Variants in TMCC3 observed in about 807,000 individuals in gnomAD.
The protein encoded by TMCC3 is transmembrane and coiled-coil domain family 3.
In TMCC3, 28 loss-of-function variants were observed where a neutral mutation model predicts 40.2. The ratio of observed to expected loss-of-function variants is 0.70; its 90% CI spans 0.52 to 0.95. The LOEUF (loss-of-function observed/expected upper bound fraction) is 0.95, where lower values mean the gene tolerates loss of function less well. Ranked by LOEUF, TMCC3 falls within the 40% of genes least tolerant of loss-of-function variation. TMCC3 has a pLI of 0.00. For synonymous variants in TMCC3, 255 were observed against 248.5 expected (o/e 1.03, Z -0.25); for missense variants, 554 against 615.2 (o/e 0.90, Z 1.05).
intron 1 of TMCC3, chr12:94,591,229 A>G (rs1484284938): frequency 1.1e-5 from 2 of 189,262 alleles, no homozygotes; most frequent in African/African-American, 2.4e-5. Context: ...GATATTAAGA[A>G]ATAATTCTGG....
intron 1 of TMCC3, among the ~76,000 whole-genome samples, chr12:94,625,348 G>A (rs1206194093): frequency 1.3e-5 from 2 of 151,884 alleles, no homozygotes; most frequent in African/African-American, 4.8e-5. Flanking sequence ...AGCACTTTGG[G>A]AGGCTGAGGT....
In TMCC3 at chr12:94,582,398, T is replaced by C; in HGVS notation, c.219A>G (p.Gln73=). The change falls in exon 2 of 4, where the codon CAA becomes CAG. Residue 73 remains glutamine, a synonymous_variant. Coordinates refer to ENST00000261226, the MANE Select transcript of TMCC3 (RefSeq NM_020698.4). ...TCTGCTCTGTTACCTTTAGAATTTTTTGCTTCAGGCTGTCTGCAGTGAGTT... is the reference window on the plus strand; with the variant it reads ...TCTGCTCTGTTACCTTTAGAATTTTCTGCTTCAGGCTGTCTGCAGTGAGTT... ...KVKLTADSLK[Q]KILKVTEQIK... The C allele has an allele frequency of 6.2e-7, 1 of 1,613,988 alleles. No individual in the cohort carries two copies.
intron 1 of TMCC3, among the ~76,000 whole-genome samples, chr12:94,642,915 G>A (rs979528895): frequency 6.6e-5 from 10 of 152,156 alleles, no homozygotes; most frequent in African/African-American, 1.7e-4. Context: ...CAACCGGGCC[G>A]GGCGCAGTGC....
intron 1 of TMCC3, among the ~76,000 whole-genome samples, chr12:94,626,389 G>C (rs1213720182): frequency 6.6e-6 from 1 of 152,144 alleles, no homozygotes; most frequent in African/African-American, 2.4e-5. Context: ...GTAGAGAGAA[G>C]ATAAATTTTG....
intron 1 of TMCC3, among the ~76,000 whole-genome samples, chr12:94,593,212 A>G (rs1011151683): frequency 7.0e-6 from 1 of 143,680 alleles, no homozygotes; most frequent in African/African-American, 2.6e-5. Flanking sequence ...AAAAGAAAAA[A>G]CAAAAAGAGC....
At chr12:94,627,980 G>A (rs1404595490) in intron 1 of TMCC3, among the ~76,000 whole-genome samples, 1 of 152,220 alleles carries the variant, frequency 6.6e-6, no homozygotes, top group Non-Finnish European at 1.5e-5. Context: ...ACTGAATTGG[G>A]CTGAAAGCCC....
intron 1 of TMCC3, among the ~76,000 whole-genome samples, chr12:94,640,076 C>T (rs991706074): frequency 2.6e-5 from 4 of 152,172 alleles, no homozygotes; most frequent in African/African-American, 4.8e-5. Flanking sequence ...TCACAGTGAG[C>T]GAGTTATTTC....
At position 94,631,738 on chromosome 12, in the gene TMCC3, T is replaced by C. The variant is rs575228649; in HGVS notation, c.78+18615A>G. On this transcript the variant is annotated intron_variant, in intron 1 of 3. Coordinates refer to ENST00000261226, the MANE Select transcript of TMCC3 (RefSeq NM_020698.4). ...ATGTAATATATATAGCAGTGTTTAA[T>C]GTATAACCTTTTCTATTCTGAAGTA... Among the ~76,000 whole-genome samples the C allele has an allele frequency of 2.2e-3, 330 of 152,366 alleles. 2 individuals are homozygous for C. The highest frequency in any genetic ancestry group is 3.7e-3 in the Non-Finnish European group (251 of 68,032).
intron 1 of TMCC3, among the ~76,000 whole-genome samples, chr12:94,614,457 G>C (rs561993013): frequency 8.5e-5 from 13 of 152,258 alleles, no homozygotes; most frequent in Admixed American, 8.5e-4. Context: ...GACTAGAAAG[G>C]AACAGGTGGG....
chr12:94,586,348 T>C (rs1325938875), intron 1 of TMCC3, among the ~76,000 whole-genome samples: 2 of 152,230 alleles, frequency 1.3e-5, no homozygotes, highest in African/African-American at 4.8e-5. Context: ...AAGCCTCCCT[T>C]GTGCCCTCCT....
chr12:94,605,978 GA>G lies in TMCC3; in HGVS notation c.79-23441del, dbSNP rs367864095. Among the ~76,000 whole-genome samples, 377 of 149,208 alleles carry G rather than the reference GA, an allele frequency of 2.5e-3. 1 individual carries two copies. The highest frequency in any genetic ancestry group is 7.5e-3 in the African/African-American group (307 of 40,752). On this transcript the variant is annotated intron_variant, in intron 1 of 3. Transcript: ENST00000261226. Reference sequence around the variant, plus strand: ...CTAACTATGACTAAAATTATATGTGGAAAAAAAAAATCCAAATGAGATTAGT... The same window carrying G: ...CTAACTATGACTAAAATTATATGTGGAAAAAAAAATCCAAATGAGATTAGT...
chr12:94,593,383 G>GGAAGAAGA (rs2068692028), intron 1 of TMCC3, among the ~76,000 whole-genome samples: 3 of 58,488 alleles, frequency 5.1e-5, no homozygotes, highest in Admixed American at 3.4e-4. Flanking sequence ...GAAAAGAAAA[G>GGAAGAAGA]AAAGAAGAAA....
chr12:94,595,661 A>T (rs2068711238), intron 1 of TMCC3, among the ~76,000 whole-genome samples: 1 of 152,264 alleles, frequency 6.6e-6, no homozygotes, highest in Non-Finnish European at 1.5e-5. Flanking sequence ...ACTAGCTATC[A>T]GACAGGGCTT....
intron 1 of TMCC3, among the ~76,000 whole-genome samples, chr12:94,584,687 CCT>C (rs1485517825): frequency 6.6e-6 from 1 of 151,476 alleles, no homozygotes; most frequent in Non-Finnish European, 1.5e-5. Flanking sequence ...GCTCTTAGCC[CCT>C]CTCTTCCAAT....
chr12:94,578,146 C>CAAAAAAAAAAAAAAAAAAAAAAAAAA (rs1183420863), intron 3 of TMCC3, among the ~76,000 whole-genome samples: 1 of 34,850 alleles, frequency 2.9e-5, no homozygotes, highest in Non-Finnish European at 5.2e-5. Context: ...AGACTCACCT[C>CAAAAAAAAAAAAAAAAAAAAAAAAAA]AAAAAAAAAA....
intron 1 of TMCC3, among the ~76,000 whole-genome samples, chr12:94,599,534 G>A (rs935937788): frequency 5.4e-5 from 8 of 149,298 alleles, no homozygotes; most frequent in African/African-American, 2.0e-4. Context: ...AACCTGAACA[G>A]GAAAGATAAT....
chr12:94,606,291 G>A (rs970037027), intron 1 of TMCC3, among the ~76,000 whole-genome samples: 2 of 152,046 alleles, frequency 1.3e-5, no homozygotes, highest in African/African-American at 4.8e-5. Context: ...ATGCCCAAGA[G>A]GCTTTACTCA....
Position 94,571,701 on chromosome 12 carries a change from G to A in TMCC3, c.1168C>T (p.Leu390=). 1 of 1,614,120 alleles carries A rather than the reference G, an allele frequency of 6.2e-7. No homozygotes were observed. The highest frequency in any genetic ancestry group is 8.5e-7 in the Non-Finnish European group (1 of 1,180,004). The change falls in exon 4 of 4, where the codon CTG becomes TTG. Residue 390 remains leucine (L), a synonymous_variant. Coordinates refer to ENST00000261226, the MANE Select transcript of TMCC3 (RefSeq NM_020698.4). ...TGCTGCTCTTGCTGGTGGAGCTCCA[G>A]CTTAGAAATGCGAGTCTGGCAGGAT... ...LESCQTRISK[L]ELHQQEQQAL...
At chr12:94,627,160 T>C (rs977120196) in intron 1 of TMCC3, among the ~76,000 whole-genome samples, 14 of 152,182 alleles carry the variant, frequency 9.2e-5, no homozygotes, top group Admixed American at 9.2e-4. Context: ...CCAGCCACAC[T>C]TATGGAAACT....
Sources: gnomAD v4.1 joint callset for allele counts (sites outside exome capture counted in the v4.1 genomes callset) on GRCh38, gnomAD v4.1.1 for gene constraint, MANE v1.5 for transcripts, NCBI Gene and HGNC (gene_info 2026-07-23, HGNC 2026-07-21) for gene names.